RBFOX1: variants seen among roughly 807,000 people sequenced by gnomAD.
The protein encoded by RBFOX1 is RNA binding fox-1 homolog 1.
RBFOX1 carries 8 observed loss-of-function variants against 57.7 expected under a neutral mutation model. That is an observed-to-expected ratio of 0.14 (90% CI 0.08 to 0.25). The LOEUF is 0.25. Among genes scored for constraint, RBFOX1 ranks in the 10% least tolerant of loss-of-function variants. The pLI, the probability that RBFOX1 is intolerant of heterozygous loss-of-function variation, is 1.00. For missense variants in RBFOX1, 611 were observed against 548.5 expected (o/e 1.11, Z -1.14); for synonymous variants, 326 against 222.4 (o/e 1.47, Z -4.15).
chr16:6,643,874 C>T (rs2098511953), intron 2 of RBFOX1, among the ~76,000 whole-genome samples: 1 of 152,044 alleles, frequency 6.6e-6, no homozygotes, highest in African/African-American at 2.4e-5. Flanking sequence ...GCCTGTAATC[C>T]CAGCACTTTC....
rs144251222 is a variant in RBFOX1 at position 6,103,221 on chromosome 16, C to T, written c.-127+83229C>T. Among the ~76,000 whole-genome samples the T allele has an allele frequency of 4.9e-4, 75 of 152,092 alleles. No individual in the cohort carries two copies. The East Asian group carries it at 0.014, about 28-fold the overall frequency. On this transcript the variant is annotated intron_variant, in intron 1 of 15. Transcript: ENST00000550418. ...TGAAGAGGAGGCTTGGGGTCTGAAC[C>T]CTGTGGGTTTAATTCTGTCTCTGAC... is the stretch of plus-strand genomic sequence containing the variant.
Position 5,737,345 on chromosome 16 carries a change from C to T in RBFOX1, c.319-129958C>T, listed in dbSNP as rs147242303. Among the ~76,000 whole-genome samples, 239 of 152,016 alleles carry T rather than the reference C, an allele frequency of 1.6e-3. 4 individuals carry two copies. Among genetic ancestry groups the T allele is most frequent in the African/African-American group, 5.1e-3 (210 of 41,446 alleles). ...CTAAAAGTACAAAAAGTTACCCAGG[C>T]GTGGTGGCGTGTGCCTGTAGTCCCA... On this transcript the variant is annotated intron_variant, in intron 3 of 19. Transcript: ENST00000641259.
chr16:6,887,623 T>C (rs963692350), intron 3 of RBFOX1, among the ~76,000 whole-genome samples: 3 of 151,828 alleles, frequency 2.0e-5, no homozygotes, highest in Non-Finnish European at 4.4e-5. Context: ...TTAGTAACCC[T>C]AGTTTTAGAA....
chr16:6,135,953 C>G (rs942571485), intron 1 of RBFOX1, among the ~76,000 whole-genome samples: 6 of 151,788 alleles, frequency 4.0e-5, no homozygotes, highest in Non-Finnish European at 8.8e-5. Context: ...CGCCACCATA[C>G]CCAGCTAATT....
chr16:7,165,187 G>A lies in RBFOX1; in HGVS notation c.27+113089G>A, dbSNP rs74009274. Among the ~76,000 whole-genome samples the A allele has an allele frequency of 7.2e-3, 1,089 of 152,110 alleles. 18 individuals are homozygous for A. Among genetic ancestry groups the A allele is most frequent in the African/African-American group, 0.025 (1,045 of 41,490 alleles). ...TCATGTCAAAAACTGAGCAGGAAGG[G>A]ATTAGCAAGACAGTCTCTATCTCTG... On this transcript the variant is annotated intron_variant, in intron 4 of 15. Transcript: ENST00000550418.
At chr16:6,198,528 T>C (rs1411342402) in intron 1 of RBFOX1, among the ~76,000 whole-genome samples, 4 of 152,186 alleles carry the variant, frequency 2.6e-5, no homozygotes, top group Non-Finnish European at 5.9e-5. Context: ...TGTGTGACCT[T>C]GAGCATGTCA....
chr16:6,031,022 GAC>G (rs2095280848), intron 1 of RBFOX1, among the ~76,000 whole-genome samples: 1 of 152,162 alleles, frequency 6.6e-6, no homozygotes, highest in Non-Finnish European at 1.5e-5. Context: ...CAGGTAAAAA[GAC>G]AATAGAATTA....
chr16:7,260,723 G>C (rs1380543817), intron 4 of RBFOX1, among the ~76,000 whole-genome samples: 2 of 152,150 alleles, frequency 1.3e-5, no homozygotes, highest in South Asian at 4.1e-4. Context: ...TCCTGAAGGA[G>C]TCCAAAGCTT....
intron 3 of RBFOX1, among the ~76,000 whole-genome samples, chr16:5,801,332 TCC>T (rs920842466): frequency 1.8e-4 from 24 of 132,178 alleles, no homozygotes; most frequent in African/African-American, 6.2e-4. Flanking sequence ...TCTCTCTCCC[TCC>T]CTCTCTCTTT....
chr16:6,075,980 C>G (rs2095893404), intron 1 of RBFOX1, among the ~76,000 whole-genome samples: 1 of 152,138 alleles, frequency 6.6e-6, no homozygotes, highest in Non-Finnish European at 1.5e-5. Flanking sequence ...AGAGGCTTAT[C>G]TTCTGTAAAG....
At chr16:7,032,452 C>CAAAT (rs1006720376) in intron 3 of RBFOX1, among the ~76,000 whole-genome samples, 4 of 151,476 alleles carry the variant, frequency 2.6e-5, no homozygotes, top group South Asian at 4.2e-4. Flanking sequence ...AAAAAACAAA[C>CAAAT]AAATAAATAA....
At chr16:5,504,910 A>C (rs1344999017) in intron 2 of RBFOX1, among the ~76,000 whole-genome samples, 1 of 152,174 alleles carries the variant, frequency 6.6e-6, no homozygotes, top group African/African-American at 2.4e-5. Context: ...CTGTAGAGAC[A>C]GACAGTGAAT....
intron 14 of RBFOX1, among the ~76,000 whole-genome samples, chr16:7,684,026 A>G (rs1459887616): frequency 6.6e-6 from 1 of 152,120 alleles, no homozygotes; most frequent in African/African-American, 2.4e-5. Flanking sequence ...ATCTTTCAAG[A>G]TAAGATGAAA....
At chr16:7,423,136 A>T (rs1050023669) in intron 4 of RBFOX1, 3 of 150,320 alleles carry the variant, frequency 2.0e-5, no homozygotes, top group African/African-American at 7.4e-5. Context: ...AGAGAATATG[A>T]ATATGGGTCC....
chr16:5,626,068 A>G (rs1307517515), intron 3 of RBFOX1, among the ~76,000 whole-genome samples: 3 of 151,080 alleles, frequency 2.0e-5, no homozygotes, highest in Non-Finnish European at 4.4e-5. Context: ...TTTAGTACAG[A>G]CGGGTTTCTC....
intron 5 of RBFOX1, among the ~76,000 whole-genome samples, chr16:7,564,364 C>G (rs1472398389): frequency 1.3e-5 from 2 of 151,610 alleles, no homozygotes; most frequent in Non-Finnish European, 2.9e-5. Flanking sequence ...ATGTTGAAAC[C>G]TCCTCTCTAC....
At chr16:6,678,036 A>C (rs1393106328) in intron 3 of RBFOX1, among the ~76,000 whole-genome samples, 1 of 152,236 alleles carries the variant, frequency 6.6e-6, no homozygotes, top group African/African-American at 2.4e-5. Context: ...GAGAAGAAAC[A>C]GCTGAAATTA....
At chr16:5,966,531 C>A (rs150042620) in intron 4 of RBFOX1, among the ~76,000 whole-genome samples, 1 of 152,218 alleles carries the variant, frequency 6.6e-6, no homozygotes, top group South Asian at 2.1e-4. Context: ...GTTCTCGGCT[C>A]ACTGCAATCT....
chr16:6,672,161 C>A (rs114048293), intron 3 of RBFOX1, among the ~76,000 whole-genome samples: 1 of 152,302 alleles, frequency 6.6e-6, no homozygotes, highest in African/African-American at 2.4e-5. Flanking sequence ...GAAATAGATA[C>A]TTATCTTTTA....
Sources: gnomAD v4.1 joint callset for allele counts (sites outside exome capture counted in the v4.1 genomes callset) on GRCh38, gnomAD v4.1.1 for gene constraint, MANE v1.5 for transcripts, NCBI Gene and HGNC (gene_info 2026-07-23, HGNC 2026-07-21) for gene names.